The following ADGRV1 variants were observed in gnomAD, a reference collection of about 807,000 sequenced individuals.
ADGRV1 encodes adhesion G protein-coupled receptor V1, also known as G-protein coupled receptor 98.
A neutral mutation model predicts 596.2 loss-of-function variants in ADGRV1; 359 were observed. The ratio of observed to expected loss-of-function variants is 0.60; its 90% CI spans 0.55 to 0.66. The LOEUF (loss-of-function observed/expected upper bound fraction) is 0.66, where lower values mean the gene tolerates loss of function less well. Ranked by LOEUF, ADGRV1 falls within the 30% of genes least tolerant of loss-of-function variation. The pLI, the probability that ADGRV1 is intolerant of heterozygous loss-of-function variation, is 0.00. For synonymous variants in ADGRV1, 2,681 were observed against 2,679.2 expected, an observed-to-expected ratio of 1.00 and a Z score of -0.02; for missense variants, 7,274 against 7,575.6, an observed-to-expected ratio of 0.96 and a Z score of 1.48.
At chr5:90,581,661 C>T (rs532293957) in intron 1 of ADGRV1, among the ~76,000 whole-genome samples, 5 of 152,230 alleles carry the variant, frequency 3.3e-5, no homozygotes, top group South Asian at 4.1e-4. Flanking sequence ...TCTGTCGGCC[C>T]CTACTGGGAG....
At chr5:90,622,346 T>A (rs972437203) in intron 4 of ADGRV1, among the ~76,000 whole-genome samples, 20 of 152,226 alleles carry the variant, frequency 1.3e-4, no homozygotes, top group African/African-American at 4.8e-4. Flanking sequence ...AACAGCTAGT[T>A]GATGGTAGAA....
At chr5:90,864,404 A>G (rs527741539) in intron 83 of ADGRV1, among the ~76,000 whole-genome samples, 1 of 152,364 alleles carries the variant, frequency 6.6e-6, no homozygotes, top group East Asian at 1.9e-4. Flanking sequence ...CACAGAAACC[A>G]GAACAAAAGA....
rs575695948 is a variant in ADGRV1, at chr5:90,936,914, A to G, written c.17857-28501A>G. Among the ~76,000 whole-genome samples, 13 of 152,246 alleles carry G rather than the reference A, an allele frequency of 8.5e-5. No homozygotes were observed. In the South Asian group the frequency reaches 1.0e-3, roughly 12 times the overall value. On this transcript the variant is annotated intron_variant, in intron 83 of 89. Coordinates refer to ENST00000405460, the MANE Select transcript of ADGRV1 (RefSeq NM_032119.4). ...CTAAAATGTCTTTATTTTGCCTGCA[A>G]TCTTGCATAATATAATAGGTTGACA... is the stretch of plus-strand genomic sequence containing the variant.
chr5:90,929,006 C>T (rs926430858), intron 83 of ADGRV1, among the ~76,000 whole-genome samples: 191 of 148,072 alleles, frequency 1.3e-3, no homozygotes, highest in South Asian at 7.1e-3. Flanking sequence ...TCTCCAGCTG[C>T]GTGCTGGGAG....
chr5:91,008,724 C>G (rs1343728806), intron 85 of ADGRV1, among the ~76,000 whole-genome samples: 2 of 151,970 alleles, frequency 1.3e-5, no homozygotes, highest in Non-Finnish European at 2.9e-5. Flanking sequence ...GGGTCACAAA[C>G]TCCTGACCTC....
intron 87 of ADGRV1, among the ~76,000 whole-genome samples, chr5:91,126,135 G>T (rs894579675): frequency 2.6e-5 from 4 of 152,130 alleles, no homozygotes; most frequent in African/African-American, 7.2e-5. Flanking sequence ...CCACTCTCTT[G>T]GTTCTTTTGT....
Position 91,139,142 on chromosome 5 carries a change from G to A in ADGRV1, c.18433-10888G>A, listed in dbSNP as rs537210466. 7.9e-5 allele frequency among the ~76,000 whole-genome samples: 12 copies of A among 152,280 alleles called. No individual in the cohort carries two copies. The South Asian group carries it at 1.0e-3, about 13-fold the overall frequency. On this transcript the variant is annotated intron_variant, in intron 87 of 89. Coordinates refer to ENST00000405460, the MANE Select transcript of ADGRV1 (RefSeq NM_032119.4). ...CTTTCGGTACCGCAAAGCATAGCAC[G>A]AGAAGTTGCACATTTCTGTAAGAGT...
At chr5:90,745,414 A>T in intron 51 of ADGRV1, 149 bp downstream of exon 51, 1 of 712,110 alleles carries the variant, frequency 1.4e-6, no homozygotes, top group South Asian at 2.1e-5. Flanking sequence ...CCATGTTTCT[A>T]ATATCTATTC....
At chr5:90,994,235 A>G (rs1359416068) in intron 85 of ADGRV1, among the ~76,000 whole-genome samples, 20 of 151,322 alleles carry the variant, frequency 1.3e-4, no homozygotes, top group Admixed American at 1.3e-3. Context: ...GCTAATTTTT[A>G]TATTTTTAGT....
At chr5:90,686,307 G>A (rs947156767) in intron 29 of ADGRV1, among the ~76,000 whole-genome samples, 3 of 151,936 alleles carry the variant, frequency 2.0e-5, no homozygotes, top group African/African-American at 7.3e-5. Flanking sequence ...CTGGTGTGCT[G>A]CACCCATTAA....
chr5:90,691,849 A>G (rs1029716061), intron 31 of ADGRV1, among the ~76,000 whole-genome samples: 1 of 152,206 alleles, frequency 6.6e-6, no homozygotes, highest in Admixed American at 6.5e-5. Flanking sequence ...TGCGAGATGC[A>G]TCTTCTTGAT....
intron 1 of ADGRV1, among the ~76,000 whole-genome samples, chr5:90,603,114 A>G (rs1761622340): frequency 6.6e-6 from 1 of 152,156 alleles, no homozygotes; most frequent in African/African-American, 2.4e-5. Flanking sequence ...GCATCTGCCA[A>G]GTTCCCAGAC....
intron 85 of ADGRV1, among the ~76,000 whole-genome samples, chr5:91,068,456 G>A (rs139398123): frequency 1.3e-3 from 198 of 151,154 alleles, no homozygotes; most frequent in Non-Finnish European, 2.0e-3. Flanking sequence ...ATGACAGAGC[G>A]GGACTCCATC....
chr5:90,778,226 T>C (rs930816270), intron 62 of ADGRV1, among the ~76,000 whole-genome samples, 183 bp downstream of exon 62: 2 of 151,850 alleles, frequency 1.3e-5, no homozygotes, highest in Admixed American at 6.6e-5. Context: ...GTGTGGTGTG[T>C]GTGTGTACGG....
chr5:90,792,820 C>T (rs1480432443), intron 70 of ADGRV1: 3 of 152,172 alleles, frequency 2.0e-5, no homozygotes, highest in Admixed American at 2.0e-4. Flanking sequence ...GCTCAGGGCT[C>T]AAGGCAGGGA....
chr5:90,647,582 T>C lies in ADGRV1; in HGVS notation c.3107T>C (p.Val1036Ala). The change falls in exon 17 of 90, where the codon GTC becomes GCC. Residue 1036 changes from valine to alanine, a missense_variant. Transcript: ENST00000405460. ...RNGSVDVTCM[V>A]QYATKDGKAT... ...GGATCTGTTGATGTGACTTGCATGG[T>C]CCAGTATGCTACCAAGGATGGGAAG... is the stretch of plus-strand genomic sequence containing the variant. 1 of 1,613,952 alleles carries C rather than the reference T, an allele frequency of 6.2e-7. No homozygotes were observed. The highest frequency in any genetic ancestry group is 8.5e-7 in the Non-Finnish European group (1 of 1,179,832).
chr5:90,764,804 T>C (rs1032866080), intron 59 of ADGRV1, among the ~76,000 whole-genome samples: 29 of 152,296 alleles, frequency 1.9e-4, no homozygotes, highest in African/African-American at 7.0e-4. Flanking sequence ...AGTGGCACTA[T>C]GGGTACACAA....
intron 21 of ADGRV1, among the ~76,000 whole-genome samples, chr5:90,668,219 C>T (rs1288905741): frequency 2.0e-5 from 3 of 152,026 alleles, no homozygotes; most frequent in African/African-American, 7.3e-5. Context: ...CTCGCTGCCG[C>T]CTTGCAGTTT....
At chr5:90,681,489 TTC>T (rs1193610627) in intron 27 of ADGRV1, 35 bp downstream of exon 27, 1 of 1,582,872 alleles carries the variant, frequency 6.3e-7, no homozygotes, top group Non-Finnish European at 8.6e-7. Context: ...CCTAGACACT[TTC>T]TGTTGTTTTA....
Sources: allele counts gnomAD v4.1 joint callset (sites outside exome capture counted in the v4.1 genomes callset), GRCh38; gene constraint gnomAD v4.1.1; transcripts MANE v1.5; gene names NCBI Gene and HGNC (gene_info 2026-07-23, HGNC 2026-07-21).